ABHD2: variants seen among roughly 807,000 people sequenced by gnomAD.
The protein encoded by ABHD2 is abhydrolase domain containing 2, acylglycerol lipase.
ABHD2 carries 20 observed loss-of-function variants against 48.1 expected under a neutral mutation model. The observed-to-expected ratio is 0.42, with a 90% CI of 0.29 to 0.60. The LOEUF (loss-of-function observed/expected upper bound fraction) is 0.60. Among genes scored for constraint, ABHD2 ranks in the 20% least tolerant of loss-of-function variants. ABHD2 has a pLI of 0.24. For missense variants in ABHD2, 405 were observed against 550.9 expected (o/e 0.74, Z 2.65); for synonymous variants, 209 against 214.2 (o/e 0.98, Z 0.21).
At chr15:89,084,708 G>A (rs955611029), upstream of ABHD2, among the ~76,000 whole-genome samples, 1 of 152,234 alleles carries the variant, frequency 6.6e-6, no homozygotes, top group Non-Finnish European at 1.5e-5. The surrounding 1 kb of genome is among the most constrained non-coding windows in gnomAD (Gnocchi z 4.4). Flanking sequence ...GACCTTAGAG[G>A]AAGGTTCTGA....
the ABHD2 span, among the ~76,000 whole-genome samples, chr15:89,072,543 A>G: frequency 8.1e-6 from 1 of 122,854 alleles, no homozygotes; most frequent in Non-Finnish European, 1.6e-5. Flanking sequence ...GGGAAGGGGA[A>G]GGATGAGCAG....
intron 3 of ABHD2, among the ~76,000 whole-genome samples, chr15:89,121,930 G>A (rs1460150514): frequency 2.0e-5 from 3 of 152,174 alleles, no homozygotes; most frequent in Admixed American, 2.0e-4. Context: ...CTGAGCTCAA[G>A]CTATCCTCCT....
At chr15:89,123,479 T>G (rs962082982) in intron 3 of ABHD2, among the ~76,000 whole-genome samples, 9 of 152,194 alleles carry the variant, frequency 5.9e-5, no homozygotes. Flanking sequence ...AAAGATCAGT[T>G]TTTCAAGCTT....
chr15:89,190,560 T>A (rs2051286782), intron 8 of ABHD2, among the ~76,000 whole-genome samples: 1 of 152,152 alleles, frequency 6.6e-6, no homozygotes, highest in Non-Finnish European at 1.5e-5. Flanking sequence ...AATTTCAGTT[T>A]CTCCATATCT....
chr15:89,138,935 G>T (rs1182373983), intron 3 of ABHD2, among the ~76,000 whole-genome samples: 1 of 151,966 alleles, frequency 6.6e-6, no homozygotes, highest in African/African-American at 2.4e-5. Context: ...AAGCTAGAAG[G>T]CCGGGCAGGA....
Position 89,102,625 on chromosome 15 carries a change from T to C in ABHD2, c.-106-11100T>C, listed in dbSNP as rs1489607480. ...TAATCTCAGAGTAATATTTCTGCCATTTTTTATGAAACCATCTTCCTTGAT... is the reference window on the plus strand; with the variant it reads ...TAATCTCAGAGTAATATTTCTGCCACTTTTTATGAAACCATCTTCCTTGAT... On this transcript the variant is annotated intron_variant, in intron 1 of 10. Transcript: ENST00000352732. This position sits in a 1 kb window ranked among gnomAD's most constrained non-coding sequence, Gnocchi z 4.8. The C allele has an allele frequency of 1.3e-5, 2 of 152,236 alleles. No homozygotes were observed. Among genetic ancestry groups the C allele is most frequent in the Non-Finnish European group, 2.9e-5 (2 of 68,026 alleles). The allele number at this position is 152,236 out of a possible 1,614,324, so 9.4% of individuals were successfully genotyped here. A position where few individuals can be genotyped will look rare whatever the true frequency, so the allele number is the denominator to read the frequency against.
intron 1 of ABHD2, among the ~76,000 whole-genome samples, chr15:89,105,934 T>C (rs921916150): frequency 2.0e-5 from 3 of 151,850 alleles, no homozygotes; most frequent in African/African-American, 7.3e-5. Context: ...ACTCCTGGGC[T>C]CAAGCAATCC....
chr15:89,187,646 A>G (rs1415562293), intron 7 of ABHD2, among the ~76,000 whole-genome samples: 1 of 150,108 alleles, frequency 6.7e-6, no homozygotes, highest in Non-Finnish European at 1.5e-5. Flanking sequence ...GGGGGTTGGG[A>G]AAAAAAAAAT....
At position 89,101,451 on chromosome 15, in the gene ABHD2, C is replaced by T. The variant is rs146734570; in HGVS notation, c.-106-12274C>T. On this transcript the variant is annotated intron_variant, in intron 1 of 10. Transcript: ENST00000352732. ...TCATAAAGGCCTGTACCTCTCCGCC[C>T]AATGTAATAATCTGGTAAGAAACTT... Among the ~76,000 whole-genome samples the T allele has an allele frequency of 2.6e-3, 398 of 152,286 alleles. 2 individuals are homozygous for T. The highest frequency in any genetic ancestry group is 9.2e-3 in the African/African-American group (381 of 41,550).
the ABHD2 span, among the ~76,000 whole-genome samples, chr15:89,052,538 G>GACACACACAC: frequency 3.9e-5 from 5 of 129,034 alleles, no homozygotes; most frequent in African/African-American, 1.7e-4. Flanking sequence ...CAGACAGACA[G>GACACACACAC]ACAGACAGAC....
At chr15:89,138,344 G>A (rs1029169951) in intron 3 of ABHD2, among the ~76,000 whole-genome samples, 2 of 152,164 alleles carry the variant, frequency 1.3e-5, no homozygotes, top group Non-Finnish European at 2.9e-5. Context: ...GTCCTCCTGG[G>A]TTTATTCTCA....
At position 89,201,513 on chromosome 15, in the gene ABHD2, AC is replaced by A. The variant is rs2051465226; in HGVS notation, c.*6092del. 6.3e-7 allele frequency: 1 copy of A among 1,591,672 alleles called. No homozygotes were observed. The highest frequency in any genetic ancestry group is 1.7e-5 in the Admixed American group (1 of 59,894). On this transcript the variant is annotated 3_prime_UTR_variant, in exon 11 of 11. Transcript: ENST00000352732. The stretch of plus-strand genomic sequence containing the variant: ...AAGTGTTTAGTGGAGCAAAAATTGT[AC>A]CATAAACTTGTGTTTACTCTTTTCA...
At chr15:89,043,890 T>TC in the ABHD2 span, among the ~76,000 whole-genome samples, 2 of 151,912 alleles carry the variant, frequency 1.3e-5, no homozygotes, top group East Asian at 3.9e-4. Context: ...TTTCTTTTTT[T>TC]TTCCTTTTTT....
At chr15:89,150,342 A>G (rs2050570910) in intron 3 of ABHD2, among the ~76,000 whole-genome samples, 1 of 152,148 alleles carries the variant, frequency 6.6e-6, no homozygotes, top group South Asian at 2.1e-4. Flanking sequence ...TAGATCTTGT[A>G]TAGTGTTTGG....
chr15:89,159,018 C>T (rs915707449), intron 5 of ABHD2, among the ~76,000 whole-genome samples: 2 of 151,836 alleles, frequency 1.3e-5, no homozygotes, highest in African/African-American at 2.4e-5. Flanking sequence ...AGAGATTAAC[C>T]GTGCTGTTTG....
In ABHD2 at chr15:89,128,867, C is replaced by A. The variant is rs943380269; in HGVS notation, c.194+12346C>A. Among the ~76,000 whole-genome samples, 3 of 152,040 alleles carry A rather than the reference C, an allele frequency of 2.0e-5. No individual in the cohort carries two copies. In the East Asian group the frequency reaches 5.8e-4, roughly 29 times the overall value. On this transcript the variant is annotated intron_variant, in intron 3 of 10. Transcript: ENST00000352732. ...AAGAGTTTGGGCTTGATCCTGTGAG[C>A]ACTGGTGGTAGGTGGTTGGAAAGGG...
chr15:89,060,418 C>T, the ABHD2 span, among the ~76,000 whole-genome samples: 41 of 152,012 alleles, frequency 2.7e-4, no homozygotes, highest in Non-Finnish European at 4.3e-4. Context: ...ACACTAACTC[C>T]TCCCAAAACA....
the ABHD2 span, among the ~76,000 whole-genome samples, chr15:89,050,469 T>TC: frequency 0.027 from 4,056 of 151,980 alleles, 187 homozygotes; most frequent in African/African-American, 0.091. Context: ...GGGGTTAAGT[T>TC]CCCCCCAGTT....
rs141847034 is a variant in ABHD2 at position 89,164,935 on chromosome 15, G to A, written c.538+9401G>A. ...GAAAAGGTAAACATTTACTTGAACT[G>A]TTAAATGACCTTACCTCTGCATCCA... On this transcript the variant is annotated intron_variant, in intron 5 of 10. Transcript: ENST00000352732. This position sits in a 1 kb window ranked among gnomAD's most constrained non-coding sequence, Gnocchi z 5.0. Among the ~76,000 whole-genome samples the A allele has an allele frequency of 5.5e-3, 842 of 152,336 alleles. 9 individuals are homozygous for A. The highest frequency in any genetic ancestry group is 0.019 in the African/African-American group (788 of 41,578).
Sources: gnomAD v4.1 joint callset for allele counts (sites outside exome capture counted in the v4.1 genomes callset) on GRCh38, gnomAD v4.1.1 for gene constraint, Gnocchi (gnomAD v3.1) non-coding constraint, MANE v1.5 for transcripts, NCBI Gene and HGNC (gene_info 2026-07-23, HGNC 2026-07-21) for gene names.